The following FBXO16 variants were observed in gnomAD, a reference collection of about 807,000 sequenced individuals.
FBXO16 encodes the protein F-box protein 16, also known as F-box only protein 16.
Under a neutral mutation model 41.0 loss-of-function variants are expected in FBXO16, and 31 were observed. That is an observed-to-expected ratio of 0.76 (90% CI 0.57 to 1.02). The LOEUF is 1.02. FBXO16 is among the 50% of genes least tolerant of loss of function. The probability of loss-of-function intolerance (pLI) is 0.00; values close to 1 mark genes in which losing one functional copy is unlikely to be tolerated. For synonymous variants in FBXO16, 133 were observed against 117.8 expected (o/e 1.13, Z -0.84); for missense variants, 361 against 346.2 (o/e 1.04, Z -0.34).
chr8:28,449,223 G>C (rs1802913190), intron 6 of FBXO16: 2 of 148,240 alleles, frequency 1.3e-5, no homozygotes, highest in African/African-American at 5.0e-5. Flanking sequence ...CAAATTGCAA[G>C]GAAAAAAAAG....
In FBXO16 at chr8:28,450,175, G is replaced by A. The variant is rs146765250; in HGVS notation, c.740+2069C>T. Among the ~76,000 whole-genome samples, 801 of 152,126 alleles carry A rather than the reference G, an allele frequency of 5.3e-3. 5 individuals are homozygous for A. Among genetic ancestry groups the A allele is most frequent in the African/African-American group, 0.018 (758 of 41,502 alleles). ...CAGAGTTAAAACCCTCACATATATGGTCTATTGACTTTCAACAAGGGTGTC... is the reference window on the plus strand; with the variant it reads ...CAGAGTTAAAACCCTCACATATATGATCTATTGACTTTCAACAAGGGTGTC... On this transcript the variant is annotated intron_variant, in intron 6 of 8. Coordinates refer to ENST00000380254, the MANE Select transcript of FBXO16 (RefSeq NM_172366.4).
Position 28,452,478 on chromosome 8 carries a change from TAGA to T in FBXO16, c.508-5_508-3del, listed in dbSNP as rs747801384. On this transcript the variant is annotated splice_polypyrimidine_tract_variant and splice_region_variant and intron_variant, in intron 5 of 8. Coordinates refer to ENST00000380254, the MANE Select transcript of FBXO16 (RefSeq NM_172366.4). ...TACAAATCCATCCTTTGGGGGTGTC[TAGA>T]AGAAGAAAGTTAATTATGTTCTCAA... 9.6e-5 allele frequency: 155 copies of T among 1,613,194 alleles called. 1 individual carries two copies. The African/African-American group carries it at 1.9e-3, about 20-fold the overall frequency.
chr8:28,441,283 A>G (rs1339795765), intron 7 of FBXO16, among the ~76,000 whole-genome samples: 3 of 152,096 alleles, frequency 2.0e-5, no homozygotes, highest in Non-Finnish European at 4.4e-5. Context: ...TTCGTCCCCT[A>G]ATCTCTAGAC....
intron 4 of FBXO16, among the ~76,000 whole-genome samples, chr8:28,458,363 C>G (rs1390443011): frequency 2.0e-5 from 3 of 152,090 alleles, no homozygotes; most frequent in Non-Finnish European, 2.9e-5. Flanking sequence ...GGATTTGATA[C>G]AGCCCTGCAG....
rs901734981 is a variant in FBXO16 at position 28,464,406 on chromosome 8, A to C, written c.136-588T>G. Among the ~76,000 whole-genome samples the C allele has an allele frequency of 9.8e-5, 15 of 152,328 alleles. No homozygotes were observed. The East Asian group carries it at 2.5e-3, about 25-fold the overall frequency. On this transcript the variant is annotated intron_variant, in intron 3 of 8. Transcript: ENST00000380254. ...GGTATGTCCAACAATTGGCTACTTC[A>C]CAGTTTTCCTCAGAGATTACCCTGA...
intron 1 of FBXO16, among the ~76,000 whole-genome samples, chr8:28,484,885 C>T (rs919975303): frequency 2.0e-5 from 3 of 151,118 alleles, no homozygotes; most frequent in Non-Finnish European, 4.4e-5. Flanking sequence ...TGAGCCACCG[C>T]GCCCGGCCAA....
At chr8:28,429,429 G>T (rs1802575241) in intron 7 of FBXO16, 26 bp from the exon 8 acceptor site, 2 of 1,613,592 alleles carry the variant, frequency 1.2e-6, no homozygotes, top group African/African-American at 1.3e-5. Flanking sequence ...AAAGGGAAGA[G>T]AATGGAGAGA....
chr8:28,448,604 A>C (rs1802903808), intron 6 of FBXO16, among the ~76,000 whole-genome samples: 1 of 152,216 alleles, frequency 6.6e-6, no homozygotes, highest in African/African-American at 2.4e-5. Flanking sequence ...ATGTGAATTT[A>C]ATGCAGTAAT....
chr8:28,465,098 A>T (rs1251414305), intron 3 of FBXO16: 1 of 154,994 alleles, frequency 6.5e-6, no homozygotes, highest in African/African-American at 2.5e-5. Flanking sequence ...AATGTATTTT[A>T]AATTTATTTG....
At chr8:28,482,680 C>G (rs1179103320) in intron 2 of FBXO16, among the ~76,000 whole-genome samples, 2 of 152,050 alleles carry the variant, frequency 1.3e-5, no homozygotes, top group Non-Finnish European at 2.9e-5. Context: ...AAGCGATTCT[C>G]CCGCCTCAGC....
At chr8:28,481,370 TGGA>T (rs1803509939) in intron 2 of FBXO16, among the ~76,000 whole-genome samples, 1 of 151,562 alleles carries the variant, frequency 6.6e-6, no homozygotes, top group Non-Finnish European at 1.5e-5. Flanking sequence ...GATAAGCGGG[TGGA>T]GAAGAGAGGC....
At chr8:28,466,716 AAGAGCCAAAAGGAAG>A (rs1803248926) in intron 3 of FBXO16, among the ~76,000 whole-genome samples, 1 of 152,034 alleles carries the variant, frequency 6.6e-6, no homozygotes, top group African/African-American at 2.4e-5. Context: ...AATGGCGATA[AAGAGCCAAAAGGAAG>A]GTGAGAGGCG....
chr8:28,478,194 C>T (rs1497075), intron 2 of FBXO16, among the ~76,000 whole-genome samples: 44,762 of 151,932 alleles, frequency 0.29, 7,385 homozygotes, highest in East Asian at 0.62. Context: ...AATGGGAGTT[C>T]GGGACAATAA....
At chr8:28,462,780 C>T (rs1469699388) in intron 4 of FBXO16, among the ~76,000 whole-genome samples, 1 of 152,170 alleles carries the variant, frequency 6.6e-6, no homozygotes, top group Non-Finnish European at 1.5e-5. Context: ...ACAATCATCT[C>T]CTTTTCCAAG....
chr8:28,469,353 C>T (rs1038827608), intron 3 of FBXO16, among the ~76,000 whole-genome samples: 7 of 151,968 alleles, frequency 4.6e-5, no homozygotes, highest in African/African-American at 1.5e-4. Context: ...CAAAGTCTTG[C>T]TATGTGGCCC....
rs186096021 is a variant in FBXO16, at chr8:28,462,520, C to T, written c.342+1092G>A. ...GTCTCGATCTCCTGACCTTGTGATC[C>T]GCCCGCCTCTGCCTCCCAAAGTGCT... On this transcript the variant is annotated intron_variant, in intron 4 of 8. Transcript: ENST00000380254. 5.1e-3 allele frequency among the ~76,000 whole-genome samples: 778 copies of T among 152,036 alleles called. 29 individuals carry two copies. The highest frequency in any genetic ancestry group is 0.046 in the Admixed American group (708 of 15,274).
chr8:28,450,926 C>T (rs1737856211), intron 6 of FBXO16, among the ~76,000 whole-genome samples: 2 of 151,936 alleles, frequency 1.3e-5, no homozygotes, highest in Non-Finnish European at 2.9e-5. Flanking sequence ...CCCCGTTCTA[C>T]AAAAAATAAA....
chr8:28,446,166 T>C (rs1030976473), intron 7 of FBXO16, among the ~76,000 whole-genome samples: 1 of 145,154 alleles, frequency 6.9e-6, no homozygotes, highest in Non-Finnish European at 1.5e-5. Context: ...TTACTTTAAA[T>C]GCATTTTTCC....
chr8:28,454,652 C>T (rs541624299), intron 5 of FBXO16, among the ~76,000 whole-genome samples: 2 of 146,388 alleles, frequency 1.4e-5, no homozygotes, highest in African/African-American at 2.6e-5. Flanking sequence ...GGCGTGAGCC[C>T]GGGAGGCGGA....
Sources: allele counts gnomAD v4.1 joint callset (sites outside exome capture counted in the v4.1 genomes callset), GRCh38; gene constraint gnomAD v4.1.1; transcripts MANE v1.5; gene names NCBI Gene and HGNC (gene_info 2026-07-23, HGNC 2026-07-21).